ADGRB3: variants seen among roughly 807,000 people sequenced by gnomAD.
The protein encoded by ADGRB3 is brain-specific angiogenesis inhibitor 3.
A neutral mutation model predicts 193.4 loss-of-function variants in ADGRB3; 37 were observed. That is an observed-to-expected ratio of 0.19 (90% CI 0.15 to 0.25). The LOEUF (loss-of-function observed/expected upper bound fraction) is 0.25, where lower values mean the gene tolerates loss of function less well. Among genes scored for constraint, ADGRB3 ranks in the 10% least tolerant of loss-of-function variants. The probability of loss-of-function intolerance (pLI) is 1.00; values close to 1 mark genes in which losing one functional copy is unlikely to be tolerated. For missense variants in ADGRB3, 1,637 were observed against 1,852.9 expected, an observed-to-expected ratio of 0.88 and a Z score of 2.14; for synonymous variants, 690 against 644.2, an observed-to-expected ratio of 1.07 and a Z score of -1.08.
intron 15 of ADGRB3, among the ~76,000 whole-genome samples, chr6:69,059,472 A>C (rs1310801886): frequency 6.6e-6 from 1 of 152,156 alleles, no homozygotes; most frequent in South Asian, 2.1e-4. Flanking sequence ...TGTGAAGATT[A>C]AGTTGGGTTA....
intron 3 of ADGRB3, among the ~76,000 whole-genome samples, chr6:68,825,263 T>G (rs971976878): frequency 6.6e-6 from 1 of 152,156 alleles, no homozygotes; most frequent in African/African-American, 2.4e-5. Context: ...TGTGTCTGCA[T>G]ATTTTTGCAC....
chr6:68,951,899 G>A (rs1582342524), intron 6 of ADGRB3, among the ~76,000 whole-genome samples: 1 of 152,064 alleles, frequency 6.6e-6, no homozygotes, highest in East Asian at 1.9e-4. Flanking sequence ...GGTTGAAGGA[G>A]AAGCAGCTTC....
intron 20 of ADGRB3, among the ~76,000 whole-genome samples, chr6:69,305,412 T>C (rs1174775021): frequency 6.6e-6 from 1 of 151,592 alleles, no homozygotes; most frequent in Non-Finnish European, 1.5e-5. Flanking sequence ...TGTGGATTAT[T>C]TCTTTGTTGG....
At chr6:68,908,843 A>G (rs753498112) in intron 3 of ADGRB3, among the ~76,000 whole-genome samples, 9 of 152,132 alleles carry the variant, frequency 5.9e-5, no homozygotes, top group Non-Finnish European at 1.0e-4. Context: ...ACATGGTCTC[A>G]CCTAAGCATC....
chr6:68,950,403 A>C (rs1253068500), intron 6 of ADGRB3, among the ~76,000 whole-genome samples: 1 of 152,188 alleles, frequency 6.6e-6, no homozygotes, highest in Non-Finnish European at 1.5e-5. Context: ...TTCATTGTTT[A>C]TTAAATGGTG....
chr6:69,000,099 A>G (rs1385593318), intron 11 of ADGRB3, among the ~76,000 whole-genome samples: 1 of 152,216 alleles, frequency 6.6e-6, no homozygotes, highest in Non-Finnish European at 1.5e-5. Context: ...TTAATCAGAC[A>G]TATTTAAAAT....
rs1041487779 is a variant in ADGRB3, at chr6:68,877,241, T to C, written c.758-53318T>C. Among the ~76,000 whole-genome samples, 4 of 140,180 alleles carry C rather than the reference T, an allele frequency of 2.9e-5. No individual in the cohort carries two copies. The Admixed American group carries it at 2.9e-4, about 10-fold the overall frequency. 92.0% of individuals were successfully genotyped at this position (140,180 alleles called of 152,430 possible). ...GATTCTTTATAAATAATCTACGTAC[T>C]TTTTTTTTGTTTCTAGACATTATTA... On this transcript the variant is annotated intron_variant, in intron 3 of 31. Transcript: ENST00000370598.
intron 3 of ADGRB3, among the ~76,000 whole-genome samples, chr6:68,895,015 G>A (rs1281812798): frequency 2.6e-5 from 4 of 151,732 alleles, no homozygotes; most frequent in Admixed American, 1.3e-4. Flanking sequence ...AAATCTCATA[G>A]ATAAAAGCAG....
intron 17 of ADGRB3, among the ~76,000 whole-genome samples, chr6:69,173,650 G>GT (rs527592428): frequency 0.029 from 4,250 of 144,678 alleles, 153 homozygotes; most frequent in African/African-American, 0.083. Context: ...TTGTAGCATT[G>GT]TTTTTTTTTT....
intron 17 of ADGRB3, among the ~76,000 whole-genome samples, chr6:69,141,810 G>T (rs1038294870): frequency 5.9e-5 from 9 of 152,180 alleles, no homozygotes; most frequent in Non-Finnish European, 1.3e-4. Context: ...GTGTATTTTA[G>T]TTATGACCAA....
chr6:69,123,952 G>A (rs916860981), intron 17 of ADGRB3, among the ~76,000 whole-genome samples: 2 of 152,068 alleles, frequency 1.3e-5, no homozygotes, highest in African/African-American at 2.4e-5. Flanking sequence ...ACATAATTTG[G>A]CTTCTTTACA....
chr6:68,913,169 G>T (rs1000714900), intron 3 of ADGRB3, among the ~76,000 whole-genome samples: 1 of 152,198 alleles, frequency 6.6e-6, no homozygotes, highest in Admixed American at 6.5e-5. Context: ...AAATGTCCCT[G>T]TCTGACAGCT....
chr6:69,174,401 C>T (rs1482775859), intron 17 of ADGRB3, among the ~76,000 whole-genome samples: 1 of 152,190 alleles, frequency 6.6e-6, no homozygotes, highest in Non-Finnish European at 1.5e-5. Context: ...TGGCCTTCAG[C>T]TACATTCACG....
intron 3 of ADGRB3, among the ~76,000 whole-genome samples, chr6:68,772,894 A>AAAAAAATATAT (rs1466813173): frequency 4.4e-5 from 1 of 22,892 alleles, no homozygotes; most frequent in Non-Finnish European, 7.4e-5. Flanking sequence ...AAAAAAAAAA[A>AAAAAAATATAT]ATATATATAT....
chr6:68,659,875 A>G (rs1768583306), intron 3 of ADGRB3, among the ~76,000 whole-genome samples: 2 of 150,880 alleles, frequency 1.3e-5, no homozygotes, highest in African/African-American at 2.4e-5. Context: ...TGCACACACA[A>G]TTGCTAGGAA....
chr6:68,652,415 T>C (rs1561983578), intron 3 of ADGRB3, among the ~76,000 whole-genome samples: 1 of 152,144 alleles, frequency 6.6e-6, no homozygotes, highest in South Asian at 2.1e-4. Context: ...TTCTTCAGAC[T>C]CTGTCTGGAG....
At chr6:69,244,207 G>A (rs965773558) in intron 20 of ADGRB3, among the ~76,000 whole-genome samples, 6 of 152,040 alleles carry the variant, frequency 3.9e-5, no homozygotes, top group East Asian at 1.9e-4. Context: ...TAAAAGTCCC[G>A]TTCTCTATTA....
At chr6:69,119,799 T>C (rs915982405) in intron 17 of ADGRB3, among the ~76,000 whole-genome samples, 1 of 152,268 alleles carries the variant, frequency 6.6e-6, no homozygotes, top group East Asian at 1.9e-4. Context: ...TTACAAAAAC[T>C]TGGAAATGGG....
At chr6:68,976,300 T>C (rs1768745940) in intron 10 of ADGRB3, among the ~76,000 whole-genome samples, 1 of 152,134 alleles carries the variant, frequency 6.6e-6, no homozygotes, top group African/African-American at 2.4e-5. Context: ...AAGAAAAGCA[T>C]TTTTTTAAAA....
Sources: gnomAD v4.1 joint callset for allele counts (sites outside exome capture counted in the v4.1 genomes callset) on GRCh38, gnomAD v4.1.1 for gene constraint, MANE v1.5 for transcripts, NCBI Gene and HGNC (gene_info 2026-07-23, HGNC 2026-07-21) for gene names.